CD44: variants seen among roughly 807,000 people sequenced by gnomAD.
The protein encoded by CD44 is CD44 molecule (IN blood group).
CD44 carries 49 observed loss-of-function variants against 88.8 expected under a neutral mutation model. The ratio of observed to expected loss-of-function variants is 0.55; its 90% CI spans 0.44 to 0.70. The LOEUF is 0.70. CD44 is among the 30% of genes least tolerant of loss of function. The pLI is 0.00. For missense variants in CD44, 883 were observed against 913.8 expected (o/e 0.97, Z 0.43); for synonymous variants, 325 against 312.3 (o/e 1.04, Z -0.43).
At position 35,139,530 on chromosome 11, in the gene CD44, A is replaced by G. The variant is rs1857472990; in HGVS notation, c.67+160A>G. The G allele has an allele frequency of 1.2e-5, 9 of 777,864 alleles. No homozygotes were observed. The Admixed American group carries it at 1.5e-4, about 13-fold the overall frequency. The allele number at this position is 777,864 out of a possible 1,614,324, so 48.2% of individuals were successfully genotyped here. ...GGAAAGCAGGGCTGGGATTTGCGCT[A>G]AACCGTTGGAGAATGTGTCTGTGGA... On this transcript the variant is annotated intron_variant, in intron 1 of 17. Transcript: ENST00000428726.
intron 1 of CD44, among the ~76,000 whole-genome samples, chr11:35,151,267 G>A (rs1392816171): frequency 2.0e-5 from 3 of 151,882 alleles, no homozygotes; most frequent in Non-Finnish European, 4.4e-5. Context: ...AGATGAGGTC[G>A]GACAGATTCC....
chr11:35,213,144 G>A (rs750328461), intron 14 of CD44, among the ~76,000 whole-genome samples: 4 of 152,074 alleles, frequency 2.6e-5, no homozygotes, highest in African/African-American at 7.2e-5. Context: ...AGTTTAAATG[G>A]CAATTTTAAT....
intron 7 of CD44, among the ~76,000 whole-genome samples, chr11:35,200,047 A>G (rs1223558235): frequency 6.7e-6 from 1 of 149,762 alleles, no homozygotes. Context: ...GACATAATTC[A>G]ACATGATGCC....
Position 35,216,316 on chromosome 11 carries a change from G to T in CD44, c.1873+1402G>T, listed in dbSNP as rs1948826562. Reference sequence around the variant, plus strand: ...GTTCTGCCAGTGCTGCCTTACTGTGGTCTCCCTGAACATCATAAATCCAGG... The same window carrying T: ...GTTCTGCCAGTGCTGCCTTACTGTGTTCTCCCTGAACATCATAAATCCAGG... On this transcript the variant is annotated intron_variant, in intron 15 of 17. Transcript: ENST00000428726. 2.0e-5 allele frequency among the ~76,000 whole-genome samples: 3 copies of T among 152,056 alleles called. No individual in the cohort carries two copies. In the South Asian group the frequency reaches 6.2e-4, roughly 32 times the overall value.
chr11:35,156,117 C>T lies in CD44; in HGVS notation c.67+16747C>T, dbSNP rs79633029. On this transcript the variant is annotated intron_variant, in intron 1 of 17. Coordinates refer to ENST00000428726, the MANE Select transcript of CD44 (RefSeq NM_000610.4). ...TTACTTTCAAGGGGTCTGGAATTGA[C>T]TATTGGATTTTATATTAAAAATTGC... Among the ~76,000 whole-genome samples, 1,232 of 152,242 alleles carry T rather than the reference C, an allele frequency of 8.1e-3. 12 individuals carry two copies. Among genetic ancestry groups the T allele is most frequent in the African/African-American group, 0.028 (1,183 of 41,524 alleles).
chr11:35,211,908 G>A (rs966251854), intron 14 of CD44, among the ~76,000 whole-genome samples: 14 of 152,100 alleles, frequency 9.2e-5, no homozygotes, highest in African/African-American at 3.4e-4. Context: ...TAGTATCTTT[G>A]CTCTGAAATT....
intron 1 of CD44, among the ~76,000 whole-genome samples, chr11:35,147,863 C>T (rs368946981): frequency 3.3e-5 from 5 of 152,124 alleles, no homozygotes; most frequent in East Asian, 3.9e-4. Context: ...CCGAGGCAGG[C>T]GGATGACCTG....
At chr11:35,210,202 C>A in intron 13 of CD44, 148 bp downstream of exon 13, 1 of 508,226 alleles carries the variant, frequency 2.0e-6, no homozygotes, top group East Asian at 3.4e-5. Flanking sequence ...TGGTGGTTCT[C>A]TGATTTTTCT....
At chr11:35,161,518 G>A (rs3794116) in intron 1 of CD44, among the ~76,000 whole-genome samples, 3,086 of 152,302 alleles carry the variant, frequency 0.02, 43 homozygotes, top group East Asian at 0.084. Flanking sequence ...CCTTGCAAGC[G>A]TTCAGAGGGC....
At chr11:35,140,715 T>C (rs886303016) in intron 1 of CD44, among the ~76,000 whole-genome samples, 1 of 151,996 alleles carries the variant, frequency 6.6e-6, no homozygotes, top group Non-Finnish European at 1.5e-5. Context: ...GCTGAAATAA[T>C]AATAATAATG....
rs530982748 is a variant in CD44 at position 35,230,696 on chromosome 11, G to A, written c.*1363G>A. ...GGCAAGTTTATGACCAAACAAGAGA[G>A]TACTGGCTTTATCCTCTAACCTCAT... On this transcript the variant is annotated 3_prime_UTR_variant, in exon 18 of 18. Coordinates refer to ENST00000428726, the MANE Select transcript of CD44 (RefSeq NM_000610.4). 6.6e-6 allele frequency: 1 copy of A among 152,308 alleles called. No homozygotes were observed. The highest frequency in any genetic ancestry group is 2.1e-4 in the South Asian group (1 of 4,832). 9.4% of individuals were successfully genotyped at this position (152,308 alleles called of 1,614,324 possible). A position where few individuals can be genotyped will look rare whatever the true frequency, so the allele number is the denominator to read the frequency against.
chr11:35,169,371 G>A lies in CD44; in HGVS notation c.68-7204G>A, dbSNP rs558140274. On this transcript the variant is annotated intron_variant, in intron 1 of 17. Transcript: ENST00000428726. ...TAATTCTTTACCTGGTTGTGTCACA[G>A]ACTTTGAAAACCAATGAAAACCAGA... 4.6e-5 allele frequency among the ~76,000 whole-genome samples: 7 copies of A among 151,836 alleles called. No individual in the cohort carries two copies. The East Asian group carries it at 1.4e-3, about 29-fold the overall frequency.
At chr11:35,184,679 G>A (rs765327922) in intron 3 of CD44, among the ~76,000 whole-genome samples, 2 of 152,168 alleles carry the variant, frequency 1.3e-5, no homozygotes, top group African/African-American at 2.4e-5. Flanking sequence ...ATCAGAAGCA[G>A]GGACAGAAAC....
chr11:35,226,881 T>G (rs1591363364), intron 17 of CD44, among the ~76,000 whole-genome samples: 1 of 47,562 alleles, frequency 2.1e-5, no homozygotes, highest in East Asian at 3.3e-4. Flanking sequence ...TCTTTTTTCC[T>G]TTTTTTTTTT....
At chr11:35,217,805 A>T (rs1948959186) in intron 15 of CD44, among the ~76,000 whole-genome samples, 1 of 152,206 alleles carries the variant, frequency 6.6e-6, no homozygotes, top group Non-Finnish European at 1.5e-5. Context: ...GGTAGGAAAA[A>T]AAAAGTTCAT....
chr11:35,196,229 A>G (rs1048938433), intron 5 of CD44, among the ~76,000 whole-genome samples: 1 of 152,248 alleles, frequency 6.6e-6, no homozygotes, highest in East Asian at 1.9e-4. Flanking sequence ...TATGGGAAAC[A>G]TAATACTTTA....
At position 35,204,634 on chromosome 11, in the gene CD44, A is replaced by T; in HGVS notation, c.1276A>T (p.Thr426Ser). The change falls in exon 10 of 18, where the codon ACA becomes TCA. Residue 426 changes from threonine (T) to serine (S), a missense_variant. Transcript: ENST00000428726. Reference sequence around the variant, plus strand: ...AGAAGACTCCCATTCGACAACAGGGACAGCTGGTAATGGATGGTTTAACAA... The same window carrying T: ...AGAAGACTCCCATTCGACAACAGGGTCAGCTGGTAATGGATGGTTTAACAA... ...PKEDSHSTTG[T>S]AAASAHTSHP... 6.2e-7 allele frequency: 1 copy of T among 1,609,012 alleles called. No homozygotes were observed. Among genetic ancestry groups the T allele is most frequent in the Non-Finnish European group, 8.5e-7 (1 of 1,175,706 alleles).
Position 35,171,996 on chromosome 11 carries a change from C to G in CD44, c.68-4579C>G, listed in dbSNP as rs369366609. ...GATGGAGGAAGACTCTCTGGTGAAG[C>G]TTTTCGATACATTTTTTCTTCAAAA... On this transcript the variant is annotated intron_variant, in intron 1 of 17. Transcript: ENST00000428726. 3.3e-3 allele frequency among the ~76,000 whole-genome samples: 508 copies of G among 152,310 alleles called. 3 individuals are homozygous for G. Among genetic ancestry groups the G allele is most frequent in the African/African-American group, 0.012 (479 of 41,562 alleles).
intron 1 of CD44, 69 bp downstream of exon 1, chr11:35,139,439 C>A: frequency 7.1e-7 from 1 of 1,416,840 alleles, no homozygotes; most frequent in South Asian, 1.2e-5. Context: ...GGCGGCAGCC[C>A]CTCCGGCTGA....
Sources: gnomAD v4.1 joint callset for allele counts (sites outside exome capture counted in the v4.1 genomes callset) on GRCh38, gnomAD v4.1.1 for gene constraint, MANE v1.5 for transcripts, NCBI Gene and HGNC (gene_info 2026-07-23, HGNC 2026-07-21) for gene names.